Variants in SOD2 observed in about 807,000 individuals in gnomAD.
The protein encoded by SOD2 is superoxide dismutase 2.
SOD2 carries 11 observed loss-of-function variants against 27.0 expected under a neutral mutation model. The ratio of observed to expected loss-of-function variants is 0.41; its 90% CI spans 0.26 to 0.67. The LOEUF (loss-of-function observed/expected upper bound fraction) is 0.67, where lower values mean the gene tolerates loss of function less well. Ranked by LOEUF, SOD2 falls within the 30% of genes least tolerant of loss-of-function variation. SOD2 has a pLI of 0.34. For synonymous variants in SOD2, 105 were observed against 103.0 expected (o/e 1.02, Z -0.12); for missense variants, 250 against 274.5 (o/e 0.91, Z 0.63).
upstream of SOD2, chr6:159,748,583 G>C: frequency 7.3e-7 from 1 of 1,361,710 alleles, no homozygotes; most frequent in Non-Finnish European, 9.5e-7. This position sits in a 1 kb window ranked among gnomAD's most constrained non-coding sequence, Gnocchi z 5.6. Context: ...CCTTCCCCTT[G>C]CTTCAGAGGC....
Position 159,735,047 on chromosome 6 carries a change from TAAAG to T in SOD2, c.-116+10079_-116+10082del, listed in dbSNP as rs554414520. On this transcript the variant is annotated intron_variant, in intron 1 of 3. Coordinates refer to the SOD2 transcript ENST00000537657. ...ACAGGGTTAAGTGAATTTTGTATAA[TAAAG>T]AAGCTAATTTTGAGATACAAAATAT... 6.6e-4 allele frequency among the ~76,000 whole-genome samples: 101 copies of T among 152,326 alleles called. 1 individual carries two copies. The East Asian group carries it at 9.1e-3, about 14-fold the overall frequency.
chr6:159,697,224 T>C (rs117055069), upstream of SOD2, among the ~76,000 whole-genome samples: 1,194 of 152,322 alleles, frequency 7.8e-3, 15 homozygotes, highest in Non-Finnish European at 0.014. Context: ...TGATCATTAA[T>C]GGAATTACCT....
intron 1 of SOD2, among the ~76,000 whole-genome samples, chr6:159,752,982 GT>G (rs1779875646): frequency 6.6e-6 from 1 of 152,170 alleles, no homozygotes. Context: ...CTTATTAAAT[GT>G]TTTTCTAGCA....
At chr6:159,702,586 C>G (rs940371364) in intron 1 of SOD2, among the ~76,000 whole-genome samples, 1 of 149,068 alleles carries the variant, frequency 6.7e-6, no homozygotes, top group African/African-American at 2.5e-5. Context: ...GTGTGAGCCA[C>G]CCTGCCCAGC....
intron 1 of SOD2, among the ~76,000 whole-genome samples, chr6:159,735,305 AT>A (rs2114891971): frequency 6.6e-6 from 1 of 152,166 alleles, no homozygotes; most frequent in Admixed American, 6.5e-5. Context: ...CGCCGGGCTA[AT>A]TTTTTTAATT....
rs2114742407 is a variant in SOD2, at chr6:159,669,640, T to C, written c.*12853A>G. ...AGGCAACATAGCATAACCCCATCTCTACAAAAAAATTTTCTTAATAAAAAA... is the reference window on the plus strand; with the variant it reads ...AGGCAACATAGCATAACCCCATCTCCACAAAAAAATTTTCTTAATAAAAAA... On this transcript the variant is annotated 3_prime_UTR_variant, in exon 5 of 5. Transcript: ENST00000538183. 6.6e-6 allele frequency: 1 copy of C among 152,266 alleles called. No individual in the cohort carries two copies. The highest frequency in any genetic ancestry group is 2.4e-5 in the African/African-American group (1 of 41,564). The allele number at this position is 152,266 out of a possible 1,614,324, so 9.4% of individuals were successfully genotyped here.
chr6:159,738,040 A>G (rs1194002484), intron 1 of SOD2, among the ~76,000 whole-genome samples: 1 of 152,204 alleles, frequency 6.6e-6, no homozygotes, highest in African/African-American at 2.4e-5. Flanking sequence ...AACTGTGAAA[A>G]TCAGGGAATT....
At chr6:159,743,638 A>T in intron 1 of SOD2, 1 of 1,570,174 alleles carries the variant, frequency 6.4e-7, no homozygotes. Flanking sequence ...TTAAAATTGT[A>T]TTTATAATTT....
chr6:159,731,583 T>G (rs1214457195), upstream of SOD2, among the ~76,000 whole-genome samples: 1 of 152,254 alleles, frequency 6.6e-6, no homozygotes, highest in Non-Finnish European at 1.5e-5. Context: ...ACAGTATGAT[T>G]ATTATCCTCA....
exon 1 of SOD2, chr6:159,762,125 C>T (rs764429351): frequency 1.2e-6 from 2 of 1,611,976 alleles, no homozygotes; most frequent in Non-Finnish European, 1.7e-6. Flanking sequence ...ATCGTCTCGG[C>T]GGCGCGGACC....
At chr6:159,762,213 C>T (rs1427499214) in exon 1 of SOD2, 2 of 1,531,382 alleles carry the variant, frequency 1.3e-6, no homozygotes, top group African/African-American at 2.8e-5. Flanking sequence ...GAGGGCCGGA[C>T]TTGTGTAGGA....
At chr6:159,727,385 G>T, upstream of SOD2, 1 of 1,209,310 alleles carries the variant, frequency 8.3e-7, no homozygotes, top group South Asian at 1.4e-5. Context: ...GGCGGGAGGC[G>T]GGAGGCGGGA....
chr6:159,717,507 C>A (rs61570942), intron 1 of SOD2, among the ~76,000 whole-genome samples: 1 of 152,144 alleles, frequency 6.6e-6, no homozygotes, highest in Non-Finnish European at 1.5e-5. Flanking sequence ...GTGTAGTGAT[C>A]AAATCAGGGT....
chr6:159,727,318 G>A, exon 1 of SOD2: 1 of 1,280,114 alleles, frequency 7.8e-7, no homozygotes, highest in Non-Finnish European at 1.0e-6. Context: ...GGCCACGCCT[G>A]AAAGGCGACT....
At chr6:159,748,040 G>A (rs1779680558), upstream of SOD2, 4 of 1,027,010 alleles carry the variant, frequency 3.9e-6, no homozygotes, top group Non-Finnish European at 5.6e-6. The surrounding 1 kb of genome is among the most constrained non-coding windows in gnomAD (Gnocchi z 5.6). Flanking sequence ...TTTCTAGAAA[G>A]TTTTAAGATT....
upstream of SOD2, among the ~76,000 whole-genome samples, chr6:159,695,730 A>C (rs1317104984): frequency 6.6e-6 from 1 of 152,096 alleles, no homozygotes; most frequent in East Asian, 1.9e-4. Context: ...TCCTTGGCTC[A>C]AGTGATCCTC....
At chr6:159,717,531 A>G (rs958025160) in intron 1 of SOD2, among the ~76,000 whole-genome samples, 2 of 152,222 alleles carry the variant, frequency 1.3e-5, no homozygotes, top group East Asian at 1.9e-4. Flanking sequence ...TGGCACATCT[A>G]TCAATTCAAA....
chr6:159,705,874 C>T (rs1463679807), intron 1 of SOD2, among the ~76,000 whole-genome samples: 55 of 150,588 alleles, frequency 3.7e-4, no homozygotes, highest in African/African-American at 1.2e-3. Flanking sequence ...AGAGAAAGGT[C>T]GGGTTACCCA....
At chr6:159,713,271 A>G in intron 1 of SOD2, 5 of 703,918 alleles carry the variant, frequency 7.1e-6, no homozygotes, top group South Asian at 6.9e-5. Context: ...TAGTCATCAT[A>G]GCCTCTATAC....
Sources: allele counts gnomAD v4.1 joint callset (sites outside exome capture counted in the v4.1 genomes callset), GRCh38; gene constraint gnomAD v4.1.1; non-coding constraint Gnocchi (gnomAD v3.1); transcripts MANE v1.5; gene names NCBI Gene and HGNC (gene_info 2026-07-23, HGNC 2026-07-21).